ZNF143: variants seen among roughly 807,000 people sequenced by gnomAD.
ZNF143 encodes the protein SPH-binding factor.
ZNF143 carries 49 observed loss-of-function variants against 74.1 expected under a neutral mutation model. The observed-to-expected ratio is 0.66, with a 90% CI of 0.53 to 0.84. ZNF143 has a LOEUF of 0.84. Among genes scored for constraint, ZNF143 ranks in the 40% least tolerant of loss-of-function variants. The probability of loss-of-function intolerance (pLI) is 0.00; values close to 1 mark genes in which losing one functional copy is unlikely to be tolerated. For synonymous variants in ZNF143, 304 were observed against 282.8 expected, an observed-to-expected ratio of 1.07 and a Z score of -0.75; for missense variants, 637 against 793.4, an observed-to-expected ratio of 0.80 and a Z score of 2.37.
chr11:9,508,595 C>CT (rs758126528), intron 11 of ZNF143, 24 bp from the exon 12 acceptor site: 9 of 1,595,388 alleles, frequency 5.6e-6, no homozygotes, highest in South Asian at 3.3e-5. Flanking sequence ...AAAAGTTGAA[C>CT]TTTTTTTTGG....
chr11:9,473,531 CAG>C (rs1227038682), intron 3 of ZNF143, among the ~76,000 whole-genome samples: 2 of 152,138 alleles, frequency 1.3e-5, no homozygotes, highest in Admixed American at 6.5e-5. Context: ...CATACATAAA[CAG>C]GGGTCTTATA....
At position 9,505,004 on chromosome 11, in the gene ZNF143, C is replaced by T. The variant is rs1211256814; in HGVS notation, c.1148-3615C>T. On this transcript the variant is annotated intron_variant, in intron 11 of 15. Transcript: ENST00000396602. ...TTTTTTTTTTTTTAAGATGGAGTCA[C>T]GCCCTGTCACCCAGGCTGGAGTGCA... Among the ~76,000 whole-genome samples the T allele has an allele frequency of 1.9e-4, 19 of 101,304 alleles. 3 individuals carry two copies. The highest frequency in any genetic ancestry group is 3.7e-4 in the Non-Finnish European group (16 of 43,514). The allele number at this position is 101,304 out of a possible 152,430, so 66.5% of individuals were successfully genotyped here.
In ZNF143 at chr11:9,494,642, T is replaced by G; in HGVS notation, c.646-4T>G. The G allele has an allele frequency of 1.2e-6, 2 of 1,613,022 alleles. No individual in the cohort carries two copies. On this transcript the variant is annotated splice_polypyrimidine_tract_variant and splice_region_variant and intron_variant, in intron 7 of 15. Coordinates refer to ENST00000396602, the MANE Select transcript of ZNF143 (RefSeq NM_003442.6). ...ATTTAAGTAATACTATTTGTTTTAT[T>G]TAGATTGTTTTACAAGGACATGCTA... is the stretch of plus-strand genomic sequence containing the variant.
At chr11:9,473,665 C>T (rs1367887804) in intron 3 of ZNF143, 29 of 801,080 alleles carry the variant, frequency 3.6e-5, no homozygotes, top group Non-Finnish European at 5.3e-5. Flanking sequence ...AGGTATAAAG[C>T]AGTCCAACTC....
chr11:9,474,435 T>A, intron 4 of ZNF143, 115 bp from the exon 5 acceptor site: 1 of 1,030,362 alleles, frequency 9.7e-7, no homozygotes, highest in Non-Finnish European at 1.5e-6. Flanking sequence ...CAAAGACTCA[T>A]GAAGCAAGTA....
intron 12 of ZNF143, among the ~76,000 whole-genome samples, chr11:9,511,155 G>A (rs1193678538): frequency 7.6e-6 from 1 of 131,374 alleles, no homozygotes; most frequent in African/African-American, 2.8e-5. Flanking sequence ...TTGTTGCCCA[G>A]GCTGGAGTGC....
In ZNF143 at chr11:9,512,510, G is replaced by A. The variant is rs972159339; in HGVS notation, c.1438G>A (p.Asp480Asn). ...ITYVTGVEGD[D>N]VVSTQVATVT... ...GTATGTTACAGGTGTAGAAGGGGAC[G>A]ACGTTGTTTCTACACAAGTAGCCAC... The change falls in exon 13 of 16, where the codon GAC (aspartate) becomes AAC (asparagine). Residue 480 changes from aspartate (D) to asparagine (N), a missense_variant. Transcript: ENST00000396602. 3.1e-6 allele frequency: 5 copies of A among 1,614,080 alleles called. No homozygotes were observed. The African/African-American group carries it at 5.3e-5, about 17-fold the overall frequency.
In ZNF143 at chr11:9,471,353, G is replaced by C; in HGVS notation, c.45G>C (p.Glu15Asp). Residue 15 changes from glutamate to aspartate, a missense_variant, in exon 2 of 16, where the codon GAG becomes GAC. Physicochemically the swap from Glu to Asp is conservative, Grantham distance 45. This residue lies in a region of ZNF143 where 293 missense variants were observed against 307.8 expected (regional missense o/e 0.95). Transcript: ENST00000396602. ...ATCGAGATTCTCAGGGAATGACAGAGTTTCCTGGAGGAGGGATGGAGGCGC... is the reference window on the plus strand; with the variant it reads ...ATCGAGATTCTCAGGGAATGACAGACTTTCCTGGAGGAGGGATGGAGGCGC... ...QINRDSQGMT[E>D]FPGGGMEAQH... The C allele has an allele frequency of 1.2e-6, 2 of 1,612,606 alleles. No individual in the cohort carries two copies. The highest frequency in any genetic ancestry group is 1.7e-6 in the Non-Finnish European group (2 of 1,179,482).
chr11:9,514,089 G>A (rs1318414442), intron 13 of ZNF143, among the ~76,000 whole-genome samples: 2 of 152,048 alleles, frequency 1.3e-5, no homozygotes, highest in African/African-American at 4.8e-5. Flanking sequence ...TCAGAGGTGA[G>A]GTCTCACTGT....
intron 2 of ZNF143, 102 bp from the exon 3 acceptor site, chr11:9,472,575 G>A: frequency 9.8e-7 from 1 of 1,022,632 alleles, no homozygotes; most frequent in Non-Finnish European, 1.5e-6. Flanking sequence ...TTGAGTCTGA[G>A]TTAAGCAGTT....
At position 9,471,406 on chromosome 11, in the gene ZNF143, C is replaced by A; in HGVS notation, c.98C>A (p.Ala33Glu). The A allele has an allele frequency of 6.2e-7, 1 of 1,604,026 alleles. No individual in the cohort carries two copies. The highest frequency in any genetic ancestry group is 8.5e-7 in the Non-Finnish European group (1 of 1,175,680). ...AQHVTLCLTE[A>E]VTVADGDNLE... ...CATGTTACGCTGTGCTTGACAGAGG[C>A]AGTCACCGTGGCAGGTGAGCAGTTG... The change falls in exon 2 of 16, where the codon GCA becomes GAA. Residue 33 changes from alanine (A) to glutamate (E), a missense_variant. This residue lies in a region of ZNF143 where 293 missense variants were observed against 307.8 expected (regional missense o/e 0.95). Transcript: ENST00000396602.
intron 11 of ZNF143, among the ~76,000 whole-genome samples, chr11:9,508,244 C>T (rs1848428890): frequency 6.6e-6 from 1 of 152,156 alleles, no homozygotes; most frequent in African/African-American, 2.4e-5. Context: ...TAGGAAGCTG[C>T]ATAAGTTACG....
intron 1 of ZNF143, 93 bp downstream of exon 1, chr11:9,461,169 C>T (rs932965607): frequency 4.3e-5 from 34 of 791,758 alleles, no homozygotes; most frequent in African/African-American, 1.9e-4. Context: ...TGGGCCCGGG[C>T]TCCGGCTCCC....
chr11:9,486,377 T>TTA lies in ZNF143; in HGVS notation c.645+6840_645+6841dup, dbSNP rs1183238215. Among the ~76,000 whole-genome samples the TTA allele has an allele frequency of 4.6e-4, 17 of 37,130 alleles. 1 individual carries two copies. Among genetic ancestry groups the TTA allele is most frequent in the South Asian group, 1.1e-3 (2 of 1,886 alleles). 24.4% of individuals were successfully genotyped at this position (37,130 alleles called of 152,430 possible). A position where few individuals can be genotyped will look rare whatever the true frequency, so the allele number is the denominator to read the frequency against. ...TTATATATATATTATATATAATATA[T>TTA]TATATATATAATATATATAATATAT... On this transcript the variant is annotated intron_variant, in intron 7 of 15. Transcript: ENST00000396602.
At chr11:9,488,052 T>G (rs1172374810) in intron 7 of ZNF143, among the ~76,000 whole-genome samples, 1 of 152,186 alleles carries the variant, frequency 6.6e-6, no homozygotes, top group African/African-American at 2.4e-5. Flanking sequence ...CTCATTTGTC[T>G]TTTCAGTCTG....
chr11:9,513,065 A>C (rs1392169539), intron 13 of ZNF143, among the ~76,000 whole-genome samples: 1 of 152,240 alleles, frequency 6.6e-6, no homozygotes, highest in Admixed American at 6.5e-5. Flanking sequence ...ATTTCCCCCC[A>C]GGAAAAGCAC....
chr11:9,523,371 T>G (rs1421198127), intron 14 of ZNF143, among the ~76,000 whole-genome samples: 1 of 152,222 alleles, frequency 6.6e-6, no homozygotes, highest in African/African-American at 2.4e-5. Flanking sequence ...TTTCTCAGCC[T>G]TCTAGATGCT....
chr11:9,490,276 C>CTT (rs367876245), intron 7 of ZNF143, among the ~76,000 whole-genome samples: 13 of 100,872 alleles, frequency 1.3e-4, no homozygotes, highest in Admixed American at 2.2e-4. Flanking sequence ...CACACTTAAG[C>CTT]TTTTTTTTTT....
intron 7 of ZNF143, among the ~76,000 whole-genome samples, chr11:9,487,306 A>G (rs1476093256): frequency 6.6e-6 from 1 of 151,484 alleles, no homozygotes; most frequent in Non-Finnish European, 1.5e-5. Flanking sequence ...GGCCCTATGT[A>G]TCTTGCACAA....
Sources: gnomAD v4.1 joint callset for allele counts (sites outside exome capture counted in the v4.1 genomes callset) on GRCh38, gnomAD v4.1.1 for gene constraint, gnomAD v4.1.1 regional missense constraint, MANE v1.5 for transcripts, NCBI Gene and HGNC (gene_info 2026-07-23, HGNC 2026-07-21) for gene names.